Variants in ETV3L observed in about 807,000 individuals in gnomAD.
ETV3L encodes ETS translocation variant 3-like protein.
In ETV3L, 30 loss-of-function variants were observed where a neutral mutation model predicts 27.6. That is an observed-to-expected ratio of 1.09 (90% CI 0.81 to 1.48). The LOEUF is 1.48. ETV3L is among the 40% of genes most tolerant of loss of function. The pLI, the probability that ETV3L is intolerant of heterozygous loss-of-function variation, is 0.00. For missense variants in ETV3L, 443 were observed against 455.6 expected (o/e 0.97, Z 0.25); for synonymous variants, 186 against 188.9 (o/e 0.98, Z 0.12).
intron 4 of ETV3L, among the ~76,000 whole-genome samples, chr1:157,095,956 C>A (rs1474878165): frequency 6.6e-6 from 1 of 152,238 alleles, no homozygotes; most frequent in African/African-American, 2.4e-5. Context: ...CTGATACTGT[C>A]AGTTCCCAGC....
rs947661413 is a variant in ETV3L at position 157,099,230 on chromosome 1, G to C, written c.207C>G (p.Val69=). 6 of 1,613,858 alleles carry C rather than the reference G, an allele frequency of 3.7e-6. No individual in the cohort carries two copies. Among genetic ancestry groups the C allele is most frequent in the Non-Finnish European group, 5.1e-6 (6 of 1,179,978 alleles). Residue 69 remains valine (V), a synonymous_variant, in exon 2 of 5, where the codon GTC becomes GTG. Transcript: ENST00000454449. The part of the protein sequence containing the change: ...AWQQGEYGEF[V]IKDPDEVARL... ...GGGCCACCTCATCTGGATCCTTGATGACAAATTCCCCGTACTCTCCCTGCT... is the reference window on the plus strand; with the variant it reads ...GGGCCACCTCATCTGGATCCTTGATCACAAATTCCCCGTACTCTCCCTGCT...
chr1:157,093,203 C>T, intron 4 of ETV3L, 76 bp from the exon 5 acceptor site: 3 of 1,054,618 alleles, frequency 2.8e-6, no homozygotes, highest in Non-Finnish European at 3.9e-6. Flanking sequence ...CATTTCCCAG[C>T]CCTTCTTGTT....
chr1:157,097,342 G>A (rs1674247365), intron 4 of ETV3L, among the ~76,000 whole-genome samples: 1 of 151,536 alleles, frequency 6.6e-6, no homozygotes, highest in Non-Finnish European at 1.5e-5. Flanking sequence ...GCGTGGTGGT[G>A]CATGTCTGTA....
intron 4 of ETV3L, among the ~76,000 whole-genome samples, chr1:157,095,986 T>C (rs1405406898): frequency 2.0e-5 from 3 of 152,212 alleles, no homozygotes; most frequent in Non-Finnish European, 2.9e-5. Flanking sequence ...CTGTAAGAGC[T>C]GATGTCTGCC....
intron 4 of ETV3L, among the ~76,000 whole-genome samples, chr1:157,097,602 A>G (rs886600818): frequency 6.6e-6 from 1 of 152,180 alleles, no homozygotes; most frequent in Non-Finnish European, 1.5e-5. Flanking sequence ...CTGAATGCAC[A>G]GCACCTAGTG....
rs749020214 is a variant in ETV3L, at chr1:157,098,838, C to G, written c.354G>C (p.Lys118Asn). The change falls in exon 3 of 5, where the codon AAG (lysine) becomes AAC (asparagine). Residue 118 changes from lysine (K) to asparagine (N), a missense_variant. Coordinates refer to ENST00000454449, the MANE Select transcript of ETV3L (RefSeq NM_001004341.2). ...CTACGATGAGCTTGCTGAAGTTGAA[C>G]TTGTATGTGAACCTTTTGCCTTTGG... is the stretch of plus-strand genomic sequence containing the variant. ...HKTKGKRFTY[K>N]FNFSKLIVVN... The G allele has an allele frequency of 6.2e-7, 1 of 1,614,136 alleles. No individual in the cohort carries two copies.
At chr1:157,099,443 G>A (rs752164549) in intron 1 of ETV3L, 23 bp downstream of exon 1, 2 of 1,614,048 alleles carry the variant, frequency 1.2e-6, no homozygotes, top group South Asian at 1.1e-5. Flanking sequence ...GGAGCAGGGG[G>A]TAGGCCCGGC....
intron 4 of ETV3L, among the ~76,000 whole-genome samples, chr1:157,096,026 G>A (rs1674211283): frequency 6.6e-6 from 1 of 152,112 alleles, no homozygotes; most frequent in African/African-American, 2.4e-5. Context: ...CCACTCATTG[G>A]CCATGTGTTT....
chr1:157,098,834 T>G lies in ETV3L; in HGVS notation c.358A>C (p.Asn120His). The G allele has an allele frequency of 6.2e-7, 1 of 1,614,166 alleles. No individual in the cohort carries two copies. The highest frequency in any genetic ancestry group is 8.5e-7 in the Non-Finnish European group (1 of 1,180,010). Residue 120 changes from asparagine (N) to histidine (H), a missense_variant, in exon 3 of 5, where the codon AAC becomes CAC. Asn to His is a moderately conservative substitution (Grantham distance 68, BLOSUM62 1). Transcript: ENST00000454449. Reference sequence around the variant, plus strand: ...TTGACTACGATGAGCTTGCTGAAGTTGAACTTGTATGTGAACCTTTTGCCT... The same window carrying G: ...TTGACTACGATGAGCTTGCTGAAGTGGAACTTGTATGTGAACCTTTTGCCT... ...TKGKRFTYKF[N>H]FSKLIVVNYP...
chr1:157,099,296 C>T lies in ETV3L; in HGVS notation c.141G>A (p.Glu47=), dbSNP rs367691485. 14 of 1,614,204 alleles carry T rather than the reference C, an allele frequency of 8.7e-6. No individual in the cohort carries two copies. In the African/African-American group the frequency reaches 1.5e-4, roughly 17 times the overall value. Residue 47 remains glutamate, a synonymous_variant, in exon 2 of 5, where the codon GAG becomes GAA. Coordinates refer to ENST00000454449, the MANE Select transcript of ETV3L (RefSeq NM_001004341.2). The part of the protein sequence containing the change: ...RQIQLWHFIL[E]LLQKEEFRHV... ...GGCGGAACTCTTCCTTCTGCAGCAG[C>T]TCCAGGATGAAGTGCCACAGCTGGA... is the stretch of plus-strand genomic sequence containing the variant.
chr1:157,093,747 C>G (rs1003124548), intron 4 of ETV3L, among the ~76,000 whole-genome samples: 19 of 152,182 alleles, frequency 1.2e-4, no homozygotes, highest in African/African-American at 4.6e-4. Flanking sequence ...CCTGCCTTGG[C>G]GTCCCAAAGT....
chr1:157,094,679 G>A (rs1256987918), intron 4 of ETV3L, among the ~76,000 whole-genome samples: 1 of 152,140 alleles, frequency 6.6e-6, no homozygotes, highest in Non-Finnish European at 1.5e-5. Flanking sequence ...TTGGGAGGCC[G>A]AGGCGAGCGG....
In ETV3L at chr1:157,099,304, T is replaced by C. The variant is rs372227275; in HGVS notation, c.133A>G (p.Ile45Val). Residue 45 changes from isoleucine (I) to valine (V), a missense_variant, in exon 2 of 5, where the codon ATC becomes GTC. Transcript: ENST00000454449. ...GSRQIQLWHFILELLQKEEFR... is the reference protein window; with the variant it reads ...GSRQIQLWHFVLELLQKEEFR... Reference sequence around the variant, plus strand: ...TCTTCCTTCTGCAGCAGCTCCAGGATGAAGTGCCACAGCTGGATCTGCCGG... The same window carrying C: ...TCTTCCTTCTGCAGCAGCTCCAGGACGAAGTGCCACAGCTGGATCTGCCGG... 23 of 1,614,108 alleles carry C rather than the reference T, an allele frequency of 1.4e-5. No homozygotes were observed. In the African/African-American group the frequency reaches 3.1e-4, roughly 22 times the overall value.
At chr1:157,098,984 T>C in intron 2 of ETV3L, 89 bp from the exon 3 acceptor site, 1 of 1,498,000 alleles carries the variant, frequency 6.7e-7, no homozygotes, top group Non-Finnish European at 9.1e-7. Flanking sequence ...CTAGCCGGGC[T>C]GACCCTAAGC....
intron 4 of ETV3L, among the ~76,000 whole-genome samples, chr1:157,097,159 T>A (rs934622114): frequency 6.6e-6 from 1 of 151,934 alleles, no homozygotes; most frequent in Non-Finnish European, 1.5e-5. Flanking sequence ...CTACACTTGT[T>A]CACAGCTTTT....
chr1:157,094,813 T>A (rs1196082741), intron 4 of ETV3L, among the ~76,000 whole-genome samples: 2 of 145,342 alleles, frequency 1.4e-5, no homozygotes, highest in African/African-American at 2.6e-5. Context: ...CTTGAGAGGC[T>A]GAGACAGGAG....
chr1:157,094,295 G>A (rs888724172), intron 4 of ETV3L, among the ~76,000 whole-genome samples: 1 of 152,160 alleles, frequency 6.6e-6, no homozygotes, highest in East Asian at 1.9e-4. Flanking sequence ...AGTGCATGAC[G>A]GGAGGCCCAG....
Position 157,098,892 on chromosome 1 carries a change from A to T in ETV3L, c.300T>A (p.Tyr100Ter), listed in dbSNP as rs2103184583. The change falls in exon 3 of 5, where the codon TAT (tyrosine) becomes TAA (stop). Residue 100 changes from tyrosine (Y) to a stop codon, truncating the protein, a stop_gained. Transcript: ENST00000454449. LOFTEE classifies it high-confidence loss of function. ...TATGCAGGATCCTCTTATTGTAGTA[A>T]TATCTGGAGAATTCGAAGTTGAGAA... ...NYDKLSRALR[Y>*]YYNKRILHKT... is the part of the protein sequence containing the mutation. 6.2e-7 allele frequency: 1 copy of T among 1,609,356 alleles called. No homozygotes were observed. Among genetic ancestry groups the T allele is most frequent in the East Asian group, 2.2e-5 (1 of 44,814 alleles).
At chr1:157,096,952 AAGTCTG>A (rs1674235339) in intron 4 of ETV3L, among the ~76,000 whole-genome samples, 1 of 151,946 alleles carries the variant, frequency 6.6e-6, no homozygotes, top group Admixed American at 6.6e-5. Flanking sequence ...AATAAAATGA[AAGTCTG>A]ACCATGGATC....
Sources: allele counts gnomAD v4.1 joint callset (sites outside exome capture counted in the v4.1 genomes callset), GRCh38; gene constraint gnomAD v4.1.1; transcripts MANE v1.5; gene names NCBI Gene and HGNC (gene_info 2026-07-23, HGNC 2026-07-21).